The following CDC42SE2 variants were observed in gnomAD, a reference collection of about 807,000 sequenced individuals.
CDC42SE2 encodes CDC42 small effector 2, also known as CDC42 small effector protein 2.
Under a neutral mutation model 11.5 loss-of-function variants are expected in CDC42SE2, and 3 were observed. That is an observed-to-expected ratio of 0.26 (90% CI 0.12 to 0.67). The LOEUF (loss-of-function observed/expected upper bound fraction) is 0.67, where lower values mean the gene tolerates loss of function less well. CDC42SE2 is among the 30% of genes least tolerant of loss of function. The pLI is 0.80. For missense variants in CDC42SE2, 82 were observed against 106.8 expected, an observed-to-expected ratio of 0.77 and a Z score of 1.02; for synonymous variants, 33 against 34.8, an observed-to-expected ratio of 0.95 and a Z score of 0.18.
intron 1 of CDC42SE2, among the ~76,000 whole-genome samples, chr5:131,278,033 T>A (rs945046693): frequency 1.3e-5 from 2 of 152,126 alleles, no homozygotes; most frequent in African/African-American, 4.8e-5. Flanking sequence ...TTGCTCTGTC[T>A]CCCAGGCTGG....
At chr5:131,240,714 T>C (rs1756533627), upstream of CDC42SE2, among the ~76,000 whole-genome samples, 1 of 152,210 alleles carries the variant, frequency 6.6e-6, no homozygotes, top group Admixed American at 6.5e-5. Flanking sequence ...ATATTCCCAA[T>C]TGCTTTTAAA....
intron 1 of CDC42SE2, among the ~76,000 whole-genome samples, chr5:131,245,900 G>T (rs1269019113): frequency 6.6e-6 from 1 of 152,122 alleles, no homozygotes; most frequent in Non-Finnish European, 1.5e-5. Context: ...ACAGCTAAAT[G>T]AATTCAATAC....
intron 1 of CDC42SE2, among the ~76,000 whole-genome samples, chr5:131,284,419 A>C (rs1757300217): frequency 6.6e-6 from 1 of 152,228 alleles, no homozygotes; most frequent in Non-Finnish European, 1.5e-5. Context: ...AAAGTAGGAT[A>C]CAAAATTGTA....
At chr5:131,386,402 T>C (rs1750487852) in intron 4 of CDC42SE2, among the ~76,000 whole-genome samples, 1 of 152,238 alleles carries the variant, frequency 6.6e-6, no homozygotes, top group Non-Finnish European at 1.5e-5. Flanking sequence ...TACCTGGTAA[T>C]ATTAGAATGT....
intron 1 of CDC42SE2, among the ~76,000 whole-genome samples, chr5:131,278,362 A>G (rs1757147570): frequency 6.6e-6 from 1 of 152,138 alleles, no homozygotes; most frequent in South Asian, 2.1e-4. Flanking sequence ...TAGAAAAGAA[A>G]CTGGATTATT....
At position 131,394,272 on chromosome 5, in the gene CDC42SE2, A is replaced by G. The variant is rs1750784247; in HGVS notation, c.*3181A>G. 6.6e-6 allele frequency: 1 copy of G among 152,378 alleles called. No individual in the cohort carries two copies. Among genetic ancestry groups the G allele is most frequent in the Admixed American group, 6.5e-5 (1 of 15,278 alleles). The allele number at this position is 152,378 out of a possible 1,614,324, so 9.4% of individuals were successfully genotyped here. A position where few individuals can be genotyped will look rare whatever the true frequency, so the allele number is the denominator to read the frequency against. ...TGAAGACTTAGTCATGTGGATTGTT[A>G]GCAGTGATCTGCATTCTGTAAAAGA... On this transcript the variant is annotated 3_prime_UTR_variant, in exon 5 of 5. Transcript: ENST00000505065.
At chr5:131,254,636 C>T (rs1756665891) in intron 1 of CDC42SE2, among the ~76,000 whole-genome samples, 2 of 151,870 alleles carry the variant, frequency 1.3e-5, no homozygotes, top group African/African-American at 4.8e-5. Flanking sequence ...TATTACCCAC[C>T]ATTTCTGATT....
At chr5:131,282,113 A>T (rs1757248237) in intron 1 of CDC42SE2, among the ~76,000 whole-genome samples, 1 of 152,152 alleles carries the variant, frequency 6.6e-6, no homozygotes, top group Non-Finnish European at 1.5e-5. Context: ...AGTTTTTCGG[A>T]CTGTTTTAAA....
intron 2 of CDC42SE2, among the ~76,000 whole-genome samples, chr5:131,356,021 G>T (rs553366444): frequency 4.8e-4 from 73 of 152,276 alleles, no homozygotes; most frequent in African/African-American, 1.7e-3. Flanking sequence ...TAGCTAAGTC[G>T]CCTTGGATAA....
chr5:131,349,260 C>T (rs1258848962), intron 2 of CDC42SE2, among the ~76,000 whole-genome samples: 2 of 145,942 alleles, frequency 1.4e-5, no homozygotes, highest in Non-Finnish European at 3.0e-5. Flanking sequence ...AACCAGACAC[C>T]GCATGTTCTC....
chr5:131,327,476 A>G (rs1354745925), intron 2 of CDC42SE2, among the ~76,000 whole-genome samples: 1 of 152,124 alleles, frequency 6.6e-6, no homozygotes, highest in Non-Finnish European at 1.5e-5. Flanking sequence ...CCAAATGTGC[A>G]GTTAGTGGGC....
At chr5:131,241,172 G>T (rs1009342532), upstream of CDC42SE2, among the ~76,000 whole-genome samples, 3 of 151,636 alleles carry the variant, frequency 2.0e-5, no homozygotes, top group Middle Eastern at 6.8e-3. Flanking sequence ...TAGAGAAGGG[G>T]TTTCACCATG....
chr5:131,250,818 T>C (rs563373311), intron 1 of CDC42SE2, among the ~76,000 whole-genome samples: 49 of 152,272 alleles, frequency 3.2e-4, no homozygotes, highest in African/African-American at 1.2e-3. Flanking sequence ...GGTAGGAGGA[T>C]TGCTTGAGCT....
At chr5:131,218,174 C>CAAAAAAAA in the CDC42SE2 span, among the ~76,000 whole-genome samples, 1 of 74,766 alleles carries the variant, frequency 1.3e-5, no homozygotes, top group African/African-American at 3.7e-5. Flanking sequence ...GACCCTGTCT[C>CAAAAAAAA]AAAAAAAAAA....
intron 3 of CDC42SE2, among the ~76,000 whole-genome samples, chr5:131,380,603 T>TGTAAACA (rs1252372142): frequency 6.6e-5 from 10 of 151,820 alleles, no homozygotes; most frequent in African/African-American, 2.4e-4. Flanking sequence ...AAAGAACACT[T>TGTAAACA]CCACCTGTGT....
chr5:131,367,645 G>C (rs916404015), intron 3 of CDC42SE2, among the ~76,000 whole-genome samples: 3 of 152,150 alleles, frequency 2.0e-5, no homozygotes, highest in Admixed American at 6.5e-5. Flanking sequence ...TTGTGTGAAA[G>C]ACATGCCTGT....
At chr5:131,210,851 G>A in the CDC42SE2 span, among the ~76,000 whole-genome samples, 1 of 151,874 alleles carries the variant, frequency 6.6e-6, no homozygotes, top group Admixed American at 6.6e-5. Context: ...CTTTTTTTGT[G>A]TGTGTGAGAT....
At chr5:131,389,296 A>AG (rs771852099) in intron 4 of CDC42SE2, among the ~76,000 whole-genome samples, 13 of 152,220 alleles carry the variant, frequency 8.5e-5, no homozygotes, top group Non-Finnish European at 1.6e-4. Flanking sequence ...GACAGGCCCT[A>AG]GCCTCTTCAC....
the CDC42SE2 span, among the ~76,000 whole-genome samples, chr5:131,216,682 G>T: frequency 1.3e-5 from 2 of 152,204 alleles, no homozygotes; most frequent in South Asian, 4.2e-4. Context: ...ATGTCACAGT[G>T]TTTCCAATCC....
Sources: allele counts gnomAD v4.1 joint callset (sites outside exome capture counted in the v4.1 genomes callset), GRCh38; gene constraint gnomAD v4.1.1; transcripts MANE v1.5; gene names NCBI Gene and HGNC (gene_info 2026-07-23, HGNC 2026-07-21).